Variants in AKT1 observed in about 807,000 individuals in gnomAD.
The protein encoded by AKT1 is AKT serine/threonine kinase 1, also known as RAC-alpha serine/threonine-protein kinase.
In AKT1, 21 loss-of-function variants were observed where a neutral mutation model predicts 63.1. The observed-to-expected ratio is 0.33, with a 90% CI of 0.24 to 0.48. AKT1 has a LOEUF of 0.48. Ranked by LOEUF, AKT1 falls within the 20% of genes least tolerant of loss-of-function variation. The pLI is 0.99. For synonymous variants in AKT1, 257 were observed against 253.1 expected, an observed-to-expected ratio of 1.02 and a Z score of -0.15; for missense variants, 382 against 666.0, an observed-to-expected ratio of 0.57 and a Z score of 4.69.
At chr14:104,785,031 T>C (rs1893260132) in intron 3 of AKT1, among the ~76,000 whole-genome samples, 1 of 152,186 alleles carries the variant, frequency 6.6e-6, no homozygotes, top group Non-Finnish European at 1.5e-5. Context: ...GAGCTGCTTC[T>C]CCACAGCAAA....
At chr14:104,780,380 C>T (rs560405183) in intron 3 of AKT1, among the ~76,000 whole-genome samples, 164 bp from the exon 4 acceptor site, 6 of 152,300 alleles carry the variant, frequency 3.9e-5, no homozygotes, top group South Asian at 4.1e-4. Flanking sequence ...GCGACAGAAA[C>T]GGCCCTGGGT....
intron 8 of AKT1, chr14:104,774,220 G>A (rs866025999): frequency 6.9e-5 from 36 of 524,068 alleles, no homozygotes; most frequent in African/African-American, 6.7e-4. Context: ...CTGCCCCCAT[G>A]CCACGCTGCC....
intron 3 of AKT1, among the ~76,000 whole-genome samples, chr14:104,792,085 G>A (rs1482362577): frequency 6.6e-6 from 1 of 152,186 alleles, no homozygotes; most frequent in Non-Finnish European, 1.5e-5. Context: ...AGTGAGGAGG[G>A]GGACACAGGG....
chr14:104,787,734 G>GC (rs1318657558), intron 3 of AKT1, among the ~76,000 whole-genome samples: 1 of 152,200 alleles, frequency 6.6e-6, no homozygotes, highest in South Asian at 2.1e-4. Context: ...CCGGAGTCCA[G>GC]CCCCCCACAG....
intron 3 of AKT1, among the ~76,000 whole-genome samples, chr14:104,792,083 G>A (rs1595264556): frequency 1.3e-5 from 2 of 152,200 alleles, no homozygotes; most frequent in East Asian, 3.9e-4. Flanking sequence ...TGAGTGAGGA[G>A]GGGGACACAG....
chr14:104,792,493 G>T, intron 3 of AKT1, 105 bp downstream of exon 3: 2 of 1,369,654 alleles, frequency 1.5e-6, no homozygotes, highest in Non-Finnish European at 1.0e-6. Context: ...GGAGCCCCAG[G>T]GGAGGCAGCC....
chr14:104,774,358 G>A (rs1892590751), intron 8 of AKT1: 1 of 314,614 alleles, frequency 3.2e-6, no homozygotes. Context: ...GGTCCTCCAG[G>A]GTGAGTTGGG....
chr14:104,773,568 G>A lies in AKT1; in HGVS notation c.715C>T (p.Leu239=). The change falls in exon 10 of 15, where the codon CTG becomes TTG. Residue 239 remains leucine, a synonymous_variant. Transcript: ENST00000649815. ...YANGGELFFH[L]SRERVFSEDR... ...TCGGAGAACACACGCTCCCGGGACA[G>A]GTGGAAGAACAGCTGCGGGAGGCGC... 1 of 1,606,806 alleles carries A rather than the reference G, an allele frequency of 6.2e-7. No homozygotes were observed. The highest frequency in any genetic ancestry group is 8.5e-7 in the Non-Finnish European group (1 of 1,177,100).
rs778376616 is a variant in AKT1 at position 104,775,681 on chromosome 14, C to T, written c.406G>A (p.Val136Met). The change falls in exon 6 of 15, where the codon GTG (valine) becomes ATG (methionine). Residue 136 changes from valine (V) to methionine (M), a missense_variant. Physicochemically the swap from Val to Met is conservative, Grantham distance 21 (BLOSUM62 1). Coordinates refer to ENST00000649815, the MANE Select transcript of AKT1 (RefSeq NM_001382430.1). ...SDNSGAEEME[V>M]SLAKPKHRVT... ...CGGTGCTTGGGCTTGGCCAGGGACA[C>T]CTCCATCTCTTCAGCCCCTGAGTTG... The T allele has an allele frequency of 8.2e-5, 132 of 1,613,928 alleles. 1 individual carries two copies. The highest frequency in any genetic ancestry group is 2.5e-4 in the Admixed American group (15 of 59,988).
Position 104,777,594 on chromosome 14 carries a change from C to T in AKT1, c.176-824G>A, listed in dbSNP as rs11849304. 4,066 of 1,002,932 alleles carry T rather than the reference C, an allele frequency of 4.1e-3. 109 individuals carry two copies. In the African/African-American group the frequency reaches 0.065, roughly 16 times the overall value. The allele number at this position is 1,002,932 out of a possible 1,614,324, so 62.1% of individuals were successfully genotyped here. ...CTGGGGCACAGCCACACCTACAGCA[C>T]GTACACCCTGAGGGCTGTGGGAACG... is the stretch of plus-strand genomic sequence containing the variant. On this transcript the variant is annotated intron_variant, in intron 4 of 14. Transcript: ENST00000649815.
intron 3 of AKT1, among the ~76,000 whole-genome samples, chr14:104,782,361 C>T (rs1893103935): frequency 6.6e-6 from 1 of 152,164 alleles, no homozygotes; most frequent in Admixed American, 6.5e-5. Flanking sequence ...ATCTTATCCA[C>T]CAACTGCTGC....
chr14:104,792,386 C>A (rs1314076275), intron 3 of AKT1, among the ~76,000 whole-genome samples: 2 of 152,138 alleles, frequency 1.3e-5, no homozygotes, highest in Middle Eastern at 6.8e-3. Flanking sequence ...AGATGGCCGG[C>A]CCTGCACAGG....
At chr14:104,774,036 C>T in intron 8 of AKT1, 56 bp from the exon 9 acceptor site, 2 of 1,539,974 alleles carry the variant, frequency 1.3e-6, no homozygotes, top group Non-Finnish European at 8.9e-7. Flanking sequence ...CAGCCCCGCA[C>T]CACGCTGCCC....
intron 1 of AKT1, 29 bp from the exon 2 acceptor site, chr14:104,793,333 G>C (rs932418895): frequency 5.1e-6 from 1 of 197,614 alleles, no homozygotes; most frequent in Non-Finnish European, 1.0e-5. Context: ...TCAAACATGA[G>C]GAAGACAGGA....
intron 13 of AKT1, 48 bp from the exon 14 acceptor site, chr14:104,770,895 C>G: frequency 6.5e-7 from 1 of 1,544,330 alleles, no homozygotes; most frequent in Non-Finnish European, 8.9e-7. Flanking sequence ...CTCCCCACTC[C>G]CAGCACACCC....
intron 3 of AKT1, among the ~76,000 whole-genome samples, chr14:104,780,825 C>T (rs766733977): frequency 2.7e-4 from 41 of 152,340 alleles, no homozygotes; most frequent in East Asian, 5.8e-4. Flanking sequence ...TGCCCACTGC[C>T]GTGGGATCGC....
At chr14:104,774,032 C>T (rs768752462) in intron 8 of AKT1, 52 bp from the exon 9 acceptor site, 32 of 1,551,230 alleles carry the variant, frequency 2.1e-5, no homozygotes, top group Admixed American at 1.7e-4. Context: ...ACGGCAGCCC[C>T]GCACCACGCT....
rs973975825 is a variant in AKT1 at position 104,795,024 on chromosome 14, T to C, written c.-258+460A>G. The C allele has an allele frequency of 5.3e-5, 8 of 152,218 alleles. No individual in the cohort carries two copies. The highest frequency in any genetic ancestry group is 1.9e-4 in the African/African-American group (8 of 41,458). The allele number at this position is 152,218 out of a possible 1,614,324, so 9.4% of individuals were successfully genotyped here. A position where few individuals can be genotyped will look rare whatever the true frequency, so the allele number is the denominator to read the frequency against. On this transcript the variant is annotated intron_variant, in intron 1 of 14. Coordinates refer to ENST00000649815, the MANE Select transcript of AKT1 (RefSeq NM_001382430.1). The surrounding 1 kb of genome is among the most constrained non-coding windows in gnomAD (Gnocchi z 5.1). ...GCCACCACGTACAACTTTTCGTCCG[T>C]GGGAAACGAAGTCTCCTTCCGGGGC...
chr14:104,789,927 T>C lies in AKT1; in HGVS notation c.46+2671A>G, dbSNP rs184309767. Among the ~76,000 whole-genome samples, 377 of 152,284 alleles carry C rather than the reference T, an allele frequency of 2.5e-3. 2 individuals carry two copies. Among genetic ancestry groups the C allele is most frequent in the African/African-American group, 8.7e-3 (363 of 41,550 alleles). ...CCCCATGCCCGGTCCCTTCTGTCCC[T>C]GAAGCTCCTCTGACTCAGAGCACAC... is the stretch of plus-strand genomic sequence containing the variant. On this transcript the variant is annotated intron_variant, in intron 3 of 14. Coordinates refer to ENST00000649815, the MANE Select transcript of AKT1 (RefSeq NM_001382430.1).
Sources: gnomAD v4.1 joint callset for allele counts (sites outside exome capture counted in the v4.1 genomes callset) on GRCh38, gnomAD v4.1.1 for gene constraint, Gnocchi (gnomAD v3.1) non-coding constraint, MANE v1.5 for transcripts, NCBI Gene and HGNC (gene_info 2026-07-23, HGNC 2026-07-21) for gene names.